Variants in RPRD1A observed in about 807,000 individuals in gnomAD.
The protein encoded by RPRD1A is regulation of nuclear pre-mRNA domain-containing protein 1A.
A neutral mutation model predicts 37.8 loss-of-function variants in RPRD1A; 9 were observed. That is an observed-to-expected ratio of 0.24 (90% CI 0.14 to 0.42). The LOEUF (loss-of-function observed/expected upper bound fraction) is 0.42, where lower values mean the gene tolerates loss of function less well. Ranked by LOEUF, RPRD1A falls within the 10% of genes least tolerant of loss-of-function variation. RPRD1A has a pLI of 1.00. For synonymous variants in RPRD1A, 138 were observed against 139.7 expected, an observed-to-expected ratio of 0.99 and a Z score of 0.08; for missense variants, 255 against 371.0, an observed-to-expected ratio of 0.69 and a Z score of 2.57.
intron 6 of RPRD1A, among the ~76,000 whole-genome samples, chr18:36,012,679 T>C (rs1201899204): frequency 6.6e-6 from 1 of 152,220 alleles, no homozygotes; most frequent in Non-Finnish European, 1.5e-5. Context: ...CACATGAATA[T>C]ATACAGTGTA....
chr18:36,061,414 T>C (rs924256525), intron 1 of RPRD1A, among the ~76,000 whole-genome samples: 5 of 152,174 alleles, frequency 3.3e-5, no homozygotes, highest in Non-Finnish European at 7.4e-5. Flanking sequence ...GTACAAAGGA[T>C]ACAATCACTA....
Position 35,999,012 on chromosome 18 carries a change from C to T in RPRD1A, c.790-5712G>A, listed in dbSNP as rs1598593812. Reference sequence around the variant, plus strand: ...TCCAAATTTTATATATTTTTCAAGTCCTACATTAAGACCAAACACTGCAAT... The same window carrying T: ...TCCAAATTTTATATATTTTTCAAGTTCTACATTAAGACCAAACACTGCAAT... On this transcript the variant is annotated intron_variant, in intron 6 of 6. Transcript: ENST00000399022. Among the ~76,000 whole-genome samples the T allele has an allele frequency of 8.5e-5, 13 of 152,266 alleles. No individual in the cohort carries two copies. In the South Asian group the frequency reaches 2.7e-3, roughly 32 times the overall value.
At chr18:36,005,366 T>G (rs778372096) in intron 6 of RPRD1A, among the ~76,000 whole-genome samples, 80 of 147,306 alleles carry the variant, frequency 5.4e-4, no homozygotes, top group Non-Finnish European at 1.1e-3. Flanking sequence ...GAAAACATAA[T>G]GAAACAAAAT....
chr18:36,057,586 T>A (rs1191655211), intron 1 of RPRD1A, among the ~76,000 whole-genome samples: 2 of 152,174 alleles, frequency 1.3e-5, no homozygotes, highest in African/African-American at 4.8e-5. Context: ...CACTCTAGCC[T>A]GGGTGAGAGA....
intron 2 of RPRD1A, 94 bp from the exon 3 acceptor site, chr18:36,031,191 A>T (rs549157822): frequency 3.6e-6 from 5 of 1,373,410 alleles, no homozygotes; most frequent in Non-Finnish European, 4.7e-6. Flanking sequence ...ATATAATCAG[A>T]CATTCATTCC....
At chr18:35,995,554 C>T (rs1006519618) in intron 6 of RPRD1A, among the ~76,000 whole-genome samples, 10 of 152,262 alleles carry the variant, frequency 6.6e-5, no homozygotes, top group African/African-American at 2.4e-4. Context: ...AGGCATGAGC[C>T]ACTGTGCCCG....
chr18:36,046,479 A>G (rs568474131), intron 1 of RPRD1A, among the ~76,000 whole-genome samples: 1 of 152,146 alleles, frequency 6.6e-6, no homozygotes, highest in East Asian at 1.9e-4. Flanking sequence ...ACAGTACCAG[A>G]GTACCTCCTT....
Position 35,990,790 on chromosome 18 carries a change from TG to T in RPRD1A, c.*2360del, listed in dbSNP as rs1239743995. ...CAACTAATCCCATTTCTTGAGAAAATGAAGTCTTCCTTTTAGGAAGAATGTT... is the reference window on the plus strand; with the variant it reads ...CAACTAATCCCATTTCTTGAGAAAATAAGTCTTCCTTTTAGGAAGAATGTT... On this transcript the variant is annotated 3_prime_UTR_variant, in exon 7 of 7. Coordinates refer to ENST00000399022, the MANE Select transcript of RPRD1A (RefSeq NM_018170.5). The T allele has an allele frequency of 1.3e-5, 2 of 152,174 alleles. No individual in the cohort carries two copies. The highest frequency in any genetic ancestry group is 1.3e-4 in the Admixed American group (2 of 15,278). 9.4% of individuals were successfully genotyped at this position (152,174 alleles called of 1,614,324 possible).
At chr18:36,064,935 G>A (rs1027409779) in intron 1 of RPRD1A, among the ~76,000 whole-genome samples, 1 of 149,758 alleles carries the variant, frequency 6.7e-6, no homozygotes, top group African/African-American at 2.5e-5. Flanking sequence ...AACTCCGGAT[G>A]GAAGGAACAA....
chr18:36,022,048 A>T (rs1911029093), intron 6 of RPRD1A, among the ~76,000 whole-genome samples: 1 of 152,188 alleles, frequency 6.6e-6, no homozygotes. Flanking sequence ...AGAAAGCTAA[A>T]CAGCCTTACT....
intron 6 of RPRD1A, among the ~76,000 whole-genome samples, chr18:35,996,383 G>T (rs569743009): frequency 6.6e-6 from 1 of 151,842 alleles, no homozygotes; most frequent in Non-Finnish European, 1.5e-5. Flanking sequence ...CATTATTCCC[G>T]TTCCATAGAT....
chr18:36,024,626 A>G (rs1911236254), intron 6 of RPRD1A, among the ~76,000 whole-genome samples: 1 of 152,186 alleles, frequency 6.6e-6, no homozygotes, highest in Admixed American at 6.5e-5. Flanking sequence ...TGATACTTTA[A>G]ATTTATGTTC....
At chr18:35,999,821 G>T (rs936171795) in intron 6 of RPRD1A, among the ~76,000 whole-genome samples, 2 of 152,112 alleles carry the variant, frequency 1.3e-5, no homozygotes, top group African/African-American at 2.4e-5. Flanking sequence ...GTTTTCTCTG[G>T]TGACCTCATT....
chr18:36,049,136 A>G (rs758847101), intron 1 of RPRD1A, among the ~76,000 whole-genome samples: 10 of 152,122 alleles, frequency 6.6e-5, no homozygotes, highest in Non-Finnish European at 1.0e-4. Context: ...TCCTGACCTC[A>G]GGTGATCCAC....
At chr18:35,994,008 C>T (rs1417313729) in intron 6 of RPRD1A, among the ~76,000 whole-genome samples, 1 of 152,178 alleles carries the variant, frequency 6.6e-6, no homozygotes, top group Non-Finnish European at 1.5e-5. Context: ...GGTGGCTCCA[C>T]AGCAGAAGAG....
At chr18:36,043,948 C>A (rs1200192769) in intron 1 of RPRD1A, among the ~76,000 whole-genome samples, 1 of 152,118 alleles carries the variant, frequency 6.6e-6, no homozygotes, top group Non-Finnish European at 1.5e-5. Flanking sequence ...TATCACTGAG[C>A]AGAAACTTTA....
rs757803455 is a variant in RPRD1A, at chr18:35,992,105, A to G, written c.*1046T>C. On this transcript the variant is annotated 3_prime_UTR_variant, in exon 7 of 7. Transcript: ENST00000399022. ...TAAATATACAAATATAAAATTTACC[A>G]TATCTACCCTGTAGTGTGGCACTGC... 3 of 152,644 alleles carry G rather than the reference A, an allele frequency of 2.0e-5. No homozygotes were observed. The highest frequency in any genetic ancestry group is 2.1e-4 in the South Asian group (1 of 4,834). The allele number at this position is 152,644 out of a possible 1,614,324, so 9.5% of individuals were successfully genotyped here.
At chr18:36,027,900 C>G (rs1486191641) in intron 4 of RPRD1A, 1 of 151,916 alleles carries the variant, frequency 6.6e-6, no homozygotes, top group Non-Finnish European at 1.5e-5. Flanking sequence ...TAAAATATTT[C>G]AAAATTCCAT....
At chr18:36,009,346 T>A (rs561592736) in intron 6 of RPRD1A, among the ~76,000 whole-genome samples, 3 of 152,252 alleles carry the variant, frequency 2.0e-5, no homozygotes, top group Non-Finnish European at 4.4e-5. Context: ...ACTCCTCACA[T>A]TGCTACCTGG....
Sources: allele counts gnomAD v4.1 joint callset (sites outside exome capture counted in the v4.1 genomes callset), GRCh38; gene constraint gnomAD v4.1.1; transcripts MANE v1.5; gene names NCBI Gene and HGNC (gene_info 2026-07-23, HGNC 2026-07-21).